XIRP2: variants seen among roughly 807,000 people sequenced by gnomAD.
XIRP2 encodes xin actin binding repeat containing 2.
Under a neutral mutation model 277.0 loss-of-function variants are expected in XIRP2, and 236 were observed. The observed-to-expected ratio is 0.85, with a 90% CI of 0.77 to 0.95. XIRP2 has a LOEUF of 0.95. Ranked by LOEUF, XIRP2 falls within the 40% of genes least tolerant of loss-of-function variation. The probability of loss-of-function intolerance (pLI) is 0.00; values close to 1 mark genes in which losing one functional copy is unlikely to be tolerated. For missense variants in XIRP2, 4,640 were observed against 4,157.5 expected (o/e 1.12, Z -3.19); for synonymous variants, 1,490 against 1,416.5 (o/e 1.05, Z -1.17).
In XIRP2 at chr2:166,939,862, C is replaced by A. The variant is rs567448974; in HGVS notation, c.408+35972C>A. Among the ~76,000 whole-genome samples the A allele has an allele frequency of 9.2e-5, 14 of 152,248 alleles. No homozygotes were observed. In the South Asian group the frequency reaches 1.7e-3, roughly 18 times the overall value. On this transcript the variant is annotated intron_variant, in intron 2 of 10. Transcript: ENST00000409195. ...CCTTTGTGGGTAACCCGACCTTTCTCTCTGCCTGCCCTTCACATTTTTTCC... is the reference window on the plus strand; with the variant it reads ...CCTTTGTGGGTAACCCGACCTTTCTATCTGCCTGCCCTTCACATTTTTTCC...
chr2:166,945,663 CTTTTTTTT>C (rs71395267), intron 2 of XIRP2, among the ~76,000 whole-genome samples: 1,850 of 69,466 alleles, frequency 0.027, 50 homozygotes, highest in African/African-American at 0.1. Context: ...TAAGATAAAT[CTTTTTTTT>C]TTTTTTTTTT....
At chr2:167,214,205 A>AGAGGGAGGGAGG (rs1287801221) in intron 4 of XIRP2, among the ~76,000 whole-genome samples, 14 of 67,046 alleles carry the variant, frequency 2.1e-4, no homozygotes, top group South Asian at 1.6e-3. Flanking sequence ...AGAGAGAAAG[A>AGAGGGAGGGAGG]GAGGGAGGGA....
chr2:167,175,161 G>T (rs1412117997), intron 3 of XIRP2, among the ~76,000 whole-genome samples: 1 of 152,100 alleles, frequency 6.6e-6, no homozygotes, highest in African/African-American at 2.4e-5. Flanking sequence ...TCGTTGATCT[G>T]TCTACTATTG....
intron 2 of XIRP2, among the ~76,000 whole-genome samples, chr2:166,911,338 C>T (rs6761580): frequency 0.54 from 82,789 of 152,000 alleles, 24,136 homozygotes; most frequent in African/African-American, 0.74. Context: ...TAGCTCTTCT[C>T]GTTGAATTGA....
At chr2:167,102,591 A>G (rs1158650744) in intron 2 of XIRP2, among the ~76,000 whole-genome samples, 14 of 152,210 alleles carry the variant, frequency 9.2e-5, no homozygotes, top group Admixed American at 9.2e-4. Flanking sequence ...CTGTAAATGT[A>G]CCATTTAAAA....
chr2:166,922,365 C>G (rs1382210851), intron 2 of XIRP2, among the ~76,000 whole-genome samples: 1 of 152,076 alleles, frequency 6.6e-6, no homozygotes, highest in Non-Finnish European at 1.5e-5. Context: ...TAGCCCATTT[C>G]TTTTAAAATT....
chr2:167,183,397 A>T (rs899083076), intron 3 of XIRP2, among the ~76,000 whole-genome samples: 1 of 152,204 alleles, frequency 6.6e-6, no homozygotes, highest in Non-Finnish European at 1.5e-5. Flanking sequence ...CAATAATATC[A>T]TACTGCTGCT....
intron 3 of XIRP2, among the ~76,000 whole-genome samples, chr2:167,148,665 T>C (rs1691930707): frequency 6.6e-6 from 1 of 152,098 alleles, no homozygotes; most frequent in South Asian, 2.1e-4. Flanking sequence ...GTTGGAATTT[T>C]AGAAAAAGTT....
chr2:167,230,102 T>C (rs547205151), intron 5 of XIRP2, among the ~76,000 whole-genome samples: 93 of 152,260 alleles, frequency 6.1e-4, no homozygotes, highest in African/African-American at 2.2e-3. Flanking sequence ...TTGCTTACCC[T>C]TGGGTGAATA....
At chr2:167,074,567 A>G (rs914138597) in intron 2 of XIRP2, among the ~76,000 whole-genome samples, 1 of 152,056 alleles carries the variant, frequency 6.6e-6, no homozygotes, top group Admixed American at 6.6e-5. Flanking sequence ...TTAGGAGACA[A>G]TGCATTGGAC....
chr2:166,958,230 G>A (rs976929558), intron 2 of XIRP2, among the ~76,000 whole-genome samples: 1 of 151,900 alleles, frequency 6.6e-6, no homozygotes, highest in African/African-American at 2.4e-5. Flanking sequence ...CAACAGTTGT[G>A]GGGGATGGCA....
chr2:167,198,456 G>A (rs543557925), intron 3 of XIRP2, among the ~76,000 whole-genome samples: 3 of 152,296 alleles, frequency 2.0e-5, no homozygotes, highest in African/African-American at 7.2e-5. Context: ...TCAAAATGCA[G>A]TTGTGAAAGT....
chr2:167,259,464 G>A lies in XIRP2; in HGVS notation c.*1647G>A, dbSNP rs191543781. 206 of 1,179,658 alleles carry A rather than the reference G, an allele frequency of 1.7e-4. 1 individual carries two copies. The East Asian group carries it at 5.1e-3, about 29-fold the overall frequency. 73.1% of individuals were successfully genotyped at this position (1,179,658 alleles called of 1,614,324 possible). A position where few individuals can be genotyped will look rare whatever the true frequency, so the allele number is the denominator to read the frequency against. Reference sequence around the variant, plus strand: ...TGGATACCCTTTTGAGGAACTTGATGTAAACATGGTGTTCAGAAATCTCGT... The same window carrying A: ...TGGATACCCTTTTGAGGAACTTGATATAAACATGGTGTTCAGAAATCTCGT... On this transcript the variant is annotated 3_prime_UTR_variant, in exon 11 of 11. Transcript: ENST00000409195.
At chr2:167,007,419 G>C (rs2105463884) in intron 2 of XIRP2, among the ~76,000 whole-genome samples, 2 of 151,606 alleles carry the variant, frequency 1.3e-5, no homozygotes, top group East Asian at 3.9e-4. Context: ...ATTAATTTAG[G>C]ATATCTCAGA....
intron 2 of XIRP2, chr2:167,124,188 A>G (rs1691134270): frequency 6.6e-6 from 1 of 152,138 alleles, no homozygotes; most frequent in Admixed American, 6.6e-5. Flanking sequence ...AGTATTCTAG[A>G]AAAAAAGTCT....
Position 167,251,237 on chromosome 2 carries a change from A to T in XIRP2, c.9845A>T (p.His3282Leu), listed in dbSNP as rs190407445. ...AAAGATGGACTAAATTCCACTGATC[A>T]CATGGTGCCCGACACTGAAAGTTAT... ...VHKDGLNSTD[H>L]MVPDTESYDA... Residue 3282 changes from histidine to leucine, a missense_variant, in exon 9 of 11, where the codon CAC becomes CTC. His to Leu is a moderately conservative substitution (Grantham distance 99). Transcript: ENST00000409195. 1 of 1,613,618 alleles carries T rather than the reference A, an allele frequency of 6.2e-7. No homozygotes were observed.
At chr2:167,253,922 C>T (rs767215963) in intron 9 of XIRP2, 110 bp from the exon 10 acceptor site, 1 of 1,260,356 alleles carries the variant, frequency 7.9e-7, no homozygotes, top group African/African-American at 1.5e-5. Context: ...AGTCTTAGAG[C>T]TTTTCTACTT....
At chr2:166,976,213 G>T (rs1686714340) in intron 2 of XIRP2, among the ~76,000 whole-genome samples, 1 of 152,060 alleles carries the variant, frequency 6.6e-6, no homozygotes, top group African/African-American at 2.4e-5. Flanking sequence ...ATATCCTGAT[G>T]CTATCATTGT....
intron 2 of XIRP2, among the ~76,000 whole-genome samples, chr2:166,980,620 G>T (rs1270103959): frequency 2.0e-5 from 3 of 152,092 alleles, no homozygotes; most frequent in Non-Finnish European, 4.4e-5. Context: ...GTTTCACCAT[G>T]TTGGCCAGGC....
Sources: allele counts gnomAD v4.1 joint callset (sites outside exome capture counted in the v4.1 genomes callset), GRCh38; gene constraint gnomAD v4.1.1; transcripts MANE v1.5; gene names NCBI Gene and HGNC (gene_info 2026-07-23, HGNC 2026-07-21).